The following MYPN variants were observed in gnomAD, a reference collection of about 807,000 sequenced individuals.
MYPN encodes sarcomeric protein myopalladin, 145 kDa (MYOP).
In MYPN, 63 loss-of-function variants were observed where a neutral mutation model predicts 129.4. The ratio of observed to expected loss-of-function variants is 0.49; its 90% confidence interval spans 0.40 to 0.60. The LOEUF (loss-of-function observed/expected upper bound fraction) is 0.60. MYPN is among the 20% of genes least tolerant of loss of function. MYPN has a pLI of 0.00. For synonymous variants in MYPN, 629 were observed against 600.9 expected (o/e 1.05, Z -0.68); for missense variants, 1,596 against 1,635.4 (o/e 0.98, Z 0.42).
intron 1 of MYPN, among the ~76,000 whole-genome samples, chr10:68,120,632 C>T (rs919875637): frequency 6.6e-6 from 1 of 150,418 alleles, no homozygotes; most frequent in African/African-American, 2.5e-5. Flanking sequence ...TGTTTACTTT[C>T]CATGAGCTAG....
At chr10:68,132,414 T>G (rs1420091366) in intron 2 of MYPN, among the ~76,000 whole-genome samples, 3 of 152,370 alleles carry the variant, frequency 2.0e-5, no homozygotes, top group Admixed American at 1.3e-4. Flanking sequence ...TTTTGCATTT[T>G]TGTTCAAGTA....
chr10:68,132,820 T>G (rs758263099), intron 2 of MYPN, among the ~76,000 whole-genome samples: 1 of 152,112 alleles, frequency 6.6e-6, no homozygotes, highest in Non-Finnish European at 1.5e-5. Context: ...TATCATTTGA[T>G]TCAATAACAG....
chr10:68,165,751 G>T lies in MYPN; in HGVS notation c.1533G>T (p.Gly511=), dbSNP rs1325918717. The T allele has an allele frequency of 6.2e-7, 1 of 1,614,184 alleles. No homozygotes were observed. Among genetic ancestry groups the T allele is most frequent in the Non-Finnish European group, 8.5e-7 (1 of 1,180,020 alleles). ...VIAEVFAEDS[G]CFTCTASNKY... is the part of the protein sequence containing the mutation. Reference sequence around the variant, plus strand: ...CTGAGGTGTTTGCAGAAGATTCTGGGTGCTTCACATGTACTGCAAGCAACA... The same window carrying T: ...CTGAGGTGTTTGCAGAAGATTCTGGTTGCTTCACATGTACTGCAAGCAACA... The change falls in exon 9 of 20, where the codon GGG becomes GGT. Residue 511 remains glycine, a synonymous_variant. Transcript: ENST00000358913.
intron 18 of MYPN, 64 bp downstream of exon 18, chr10:68,202,058 TA>T (rs1324238244): frequency 6.3e-7 from 1 of 1,575,480 alleles, no homozygotes. Context: ...GCCACCCAAA[TA>T]AGTCTGCTGC....
chr10:68,153,300 ATTTAATTTTCATGAGCT>A (rs2042809791), intron 6 of MYPN, among the ~76,000 whole-genome samples: 1 of 152,176 alleles, frequency 6.6e-6, no homozygotes, highest in African/African-American at 2.4e-5. Flanking sequence ...TATTCTTTAC[ATTTAATTTTCATGAGCT>A]GATTAGAGCC....
chr10:68,173,992 C>T, intron 10 of MYPN, 74 bp from the exon 11 acceptor site: 1 of 1,222,720 alleles, frequency 8.2e-7, no homozygotes, highest in Non-Finnish European at 1.2e-6. Flanking sequence ...AACAGTCTGT[C>T]TGAACATTGT....
chr10:68,144,408 A>G (rs1313918139), intron 3 of MYPN, among the ~76,000 whole-genome samples: 4 of 152,208 alleles, frequency 2.6e-5, no homozygotes, highest in African/African-American at 7.2e-5. Context: ...TCCAATATGT[A>G]CTTGTACTAG....
intron 2 of MYPN, among the ~76,000 whole-genome samples, chr10:68,122,973 A>G (rs1305132921): frequency 6.6e-6 from 1 of 152,198 alleles, no homozygotes; most frequent in African/African-American, 2.4e-5. Context: ...AAGAATTATT[A>G]ATAAGATATT....
intron 12 of MYPN, among the ~76,000 whole-genome samples, chr10:68,186,601 G>A (rs2043425267): frequency 6.6e-6 from 1 of 152,142 alleles, no homozygotes; most frequent in Non-Finnish European, 1.5e-5. Flanking sequence ...CATGGCTCCA[G>A]ATTCCCCAAA....
intron 1 of MYPN, among the ~76,000 whole-genome samples, chr10:68,095,785 A>G (rs1320838628): frequency 6.6e-6 from 1 of 152,014 alleles, no homozygotes; most frequent in Non-Finnish European, 1.5e-5. Flanking sequence ...GTTATTGTTT[A>G]ATGGATACAG....
intron 2 of MYPN, chr10:68,136,749 T>C: frequency 6.5e-7 from 1 of 1,532,496 alleles, no homozygotes; most frequent in Non-Finnish European, 8.7e-7. Context: ...CGAGAAATGT[T>C]CTCTAAATAA....
intron 6 of MYPN, among the ~76,000 whole-genome samples, chr10:68,154,663 G>A (rs2042837388): frequency 6.6e-6 from 1 of 152,200 alleles, no homozygotes; most frequent in South Asian, 2.1e-4. Context: ...CTTCCAAGGT[G>A]CAAAATTATC....
At chr10:68,093,223 C>T (rs1170014488) in intron 1 of MYPN, among the ~76,000 whole-genome samples, 1 of 152,030 alleles carries the variant, frequency 6.6e-6, no homozygotes, top group East Asian at 1.9e-4. Flanking sequence ...CTCATCCCAA[C>T]CTTGAAAAGA....
At chr10:68,112,638 A>G (rs1564642222) in intron 1 of MYPN, among the ~76,000 whole-genome samples, 1 of 152,136 alleles carries the variant, frequency 6.6e-6, no homozygotes, top group East Asian at 1.9e-4. Context: ...GTCTGTATTT[A>G]TCTTTTCTTC....
intron 2 of MYPN, among the ~76,000 whole-genome samples, chr10:68,126,563 G>C (rs190323071): frequency 2.3e-4 from 35 of 152,278 alleles, no homozygotes; most frequent in Admixed American, 9.1e-4. Flanking sequence ...GACTCGGGTA[G>C]GTGTGGTAGG....
intron 1 of MYPN, among the ~76,000 whole-genome samples, chr10:68,099,633 C>A (rs1397778304): frequency 6.8e-6 from 1 of 147,902 alleles, no homozygotes; most frequent in Non-Finnish European, 1.5e-5. Flanking sequence ...GAGCAAGACT[C>A]TGTCTCAAAA....
chr10:68,175,117 C>CAG (rs1335218402), intron 11 of MYPN, among the ~76,000 whole-genome samples: 7 of 141,746 alleles, frequency 4.9e-5, no homozygotes, highest in African/African-American at 1.3e-4. Flanking sequence ...GCCTGGATGA[C>CAG]AGAGACTCTG....
At chr10:68,168,844 T>C (rs1333860484) in intron 10 of MYPN, among the ~76,000 whole-genome samples, 1 of 151,924 alleles carries the variant, frequency 6.6e-6, no homozygotes, top group African/African-American at 2.4e-5. Context: ...CTGTTTCAAA[T>C]TAGCCAGGTG....
intron 19 of MYPN, 120 bp from the exon 20 acceptor site, chr10:68,210,166 G>C (rs1192916133): frequency 7.9e-6 from 9 of 1,142,586 alleles, no homozygotes; most frequent in South Asian, 1.4e-5. Flanking sequence ...CCCAGGTATA[G>C]TTATATGCTT....
Sources: gnomAD v4.1 joint callset for allele counts (sites outside exome capture counted in the v4.1 genomes callset) on GRCh38, gnomAD v4.1.1 for gene constraint, MANE v1.5 for transcripts, NCBI Gene and HGNC (gene_info 2026-07-23, HGNC 2026-07-21) for gene names.